PCDH7: variants seen among roughly 807,000 people sequenced by gnomAD.
PCDH7 encodes protocadherin 7.
In PCDH7, 17 loss-of-function variants were observed where a neutral mutation model predicts 58.9. The observed-to-expected ratio is 0.29, with a 90% CI of 0.20 to 0.43. The LOEUF is 0.43. Among genes scored for constraint, PCDH7 ranks in the 20% least tolerant of loss-of-function variants. The probability of loss-of-function intolerance (pLI) is 1.00; values close to 1 mark genes in which losing one functional copy is unlikely to be tolerated. For synonymous variants in PCDH7, 664 were observed against 616.4 expected (o/e 1.08, Z -1.14); for missense variants, 1,274 against 1,441.0 (o/e 0.88, Z 1.88).
intron 3 of PCDH7, among the ~76,000 whole-genome samples, chr4:31,080,658 AGTTT>A (rs1317512403): frequency 1.3e-5 from 2 of 152,176 alleles, no homozygotes; most frequent in East Asian, 1.9e-4. Flanking sequence ...TCTATAGCAC[AGTTT>A]GTTTGTAGAG....
At chr4:30,841,926 C>G (rs1488568313) in intron 1 of PCDH7, among the ~76,000 whole-genome samples, 1 of 151,786 alleles carries the variant, frequency 6.6e-6, no homozygotes, top group Non-Finnish European at 1.5e-5. Flanking sequence ...CATTTAAGAC[C>G]CTTACCACTA....
At chr4:30,876,349 A>G (rs1021092898) in intron 1 of PCDH7, among the ~76,000 whole-genome samples, 3 of 152,118 alleles carry the variant, frequency 2.0e-5, no homozygotes, top group African/African-American at 7.2e-5. Context: ...GAGAAGTTAA[A>G]ATGACTGTTC....
In PCDH7 at chr4:30,723,474, T is replaced by A. The variant is rs1370909751; in HGVS notation, c.2052T>A (p.Ile684=). 6.2e-7 allele frequency: 1 copy of A among 1,614,088 alleles called. No individual in the cohort carries two copies. The highest frequency in any genetic ancestry group is 1.1e-5 in the South Asian group (1 of 91,070). ...TGTACATAGAGGAGAACAATAACAT[T>A]TTTTCTATTGAAAATGACACGGGGA... Residue 684 remains isoleucine, a synonymous_variant, in exon 1 of 2, where the codon ATT becomes ATA. Coordinates refer to ENST00000361762, the Ensembl canonical transcript of PCDH7. The surrounding 1 kb of genome is among the most constrained non-coding windows in gnomAD (Gnocchi z 4.6).
At chr4:30,933,598 A>G (rs1444601412) in intron 2 of PCDH7, among the ~76,000 whole-genome samples, 1 of 152,180 alleles carries the variant, frequency 6.6e-6, no homozygotes, top group African/African-American at 2.4e-5. Context: ...GCCTGCTTAT[A>G]TAACCACACT....
intron 1 of PCDH7, among the ~76,000 whole-genome samples, chr4:30,862,575 C>T (rs1315825276): frequency 2.0e-5 from 3 of 152,112 alleles, no homozygotes; most frequent in Admixed American, 1.3e-4. Flanking sequence ...ATATTCTATC[C>T]AGTGTTTTTA....
chr4:31,082,364 T>C (rs1443631437), intron 3 of PCDH7, among the ~76,000 whole-genome samples: 1 of 152,218 alleles, frequency 6.6e-6, no homozygotes, highest in African/African-American at 2.4e-5. Context: ...GTAGATTACA[T>C]TGTTTTTTTC....
chr4:30,814,687 CTG>C (rs1727448790), intron 1 of PCDH7, among the ~76,000 whole-genome samples: 1 of 152,054 alleles, frequency 6.6e-6, no homozygotes. Context: ...ACAAATCAAA[CTG>C]TTTCTTTCCT....
At chr4:31,040,135 C>T (rs6821602) in intron 3 of PCDH7, among the ~76,000 whole-genome samples, 14,098 of 152,178 alleles carry the variant, frequency 0.093, 996 homozygotes, top group East Asian at 0.24. Context: ...GTATGTTTTT[C>T]GATGTATACT....
intron 1 of PCDH7, among the ~76,000 whole-genome samples, chr4:30,770,210 A>C (rs1197644775): frequency 1.3e-5 from 2 of 152,190 alleles, no homozygotes; most frequent in African/African-American, 4.8e-5. Context: ...TCTATTTTCA[A>C]ACAAGTAATA....
chr4:30,890,412 T>C (rs1231143177), intron 1 of PCDH7, among the ~76,000 whole-genome samples: 1 of 139,788 alleles, frequency 7.2e-6, no homozygotes, highest in Admixed American at 7.3e-5. Flanking sequence ...GAGTAGTACA[T>C]CATTTTTAAT....
rs768195681 is a variant in PCDH7, at chr4:30,819,029, G to A, written c.70+94433G>A. 3.3e-5 allele frequency among the ~76,000 whole-genome samples: 5 copies of A among 152,088 alleles called. 1 individual carries two copies. Among genetic ancestry groups the A allele is most frequent in the Admixed American group, 1.3e-4 (2 of 15,270 alleles). ...ACACCTTTCACAGTGCATCATTCCTGTTGTCACAGGATGAGACAGAGGTGG... is the reference window on the plus strand; with the variant it reads ...ACACCTTTCACAGTGCATCATTCCTATTGTCACAGGATGAGACAGAGGTGG... On this transcript the variant is annotated intron_variant, in intron 1 of 3. Coordinates refer to the PCDH7 transcript ENST00000509759.
At chr4:30,993,887 T>G (rs28534792) in intron 3 of PCDH7, among the ~76,000 whole-genome samples, 5,801 of 152,196 alleles carry the variant, frequency 0.038, 380 homozygotes, top group African/African-American at 0.13. Flanking sequence ...AGTGTGTCTG[T>G]GTGGGTATAA....
intron 1 of PCDH7, among the ~76,000 whole-genome samples, chr4:30,820,151 AAG>A (rs1414469043): frequency 1.3e-5 from 2 of 152,262 alleles, no homozygotes; most frequent in Non-Finnish European, 2.9e-5. Context: ...AATACAGGAA[AAG>A]AGAGAGAAAA....
chr4:30,840,696 T>C (rs1475394527), intron 1 of PCDH7, among the ~76,000 whole-genome samples: 1 of 152,022 alleles, frequency 6.6e-6, no homozygotes, highest in Non-Finnish European at 1.5e-5. Context: ...AGAACAAAAT[T>C]TTTTTTGCAG....
chr4:30,840,299 T>C (rs1731044973), intron 1 of PCDH7, among the ~76,000 whole-genome samples: 1 of 152,138 alleles, frequency 6.6e-6, no homozygotes, highest in African/African-American at 2.4e-5. Flanking sequence ...GATGTCCTTA[T>C]TCTTTCCACT....
chr4:31,044,444 T>G (rs1457536983), intron 3 of PCDH7, among the ~76,000 whole-genome samples: 3 of 152,124 alleles, frequency 2.0e-5, no homozygotes, highest in Non-Finnish European at 4.4e-5. Context: ...CTTTTCATTT[T>G]TTTAAGTGTA....
chr4:30,786,707 T>C (rs1177537779), intron 1 of PCDH7: 1 of 959,396 alleles, frequency 1.0e-6, no homozygotes, highest in Non-Finnish European at 1.2e-6. Flanking sequence ...AGCAGACATA[T>C]ATTTTTGTAT....
chr4:30,824,587 G>C (rs1345921365), intron 1 of PCDH7, among the ~76,000 whole-genome samples: 1 of 152,040 alleles, frequency 6.6e-6, no homozygotes, highest in African/African-American at 2.4e-5. Flanking sequence ...TGGCGCAGTG[G>C]CTACTCTAGG....
downstream of PCDH7, chr4:31,143,420 T>C (rs1456483640): frequency 6.6e-6 from 1 of 152,200 alleles, no homozygotes; most frequent in African/African-American, 2.4e-5. Context: ...TTAAAAAGTA[T>C]TTTGGGAATA....
Sources: gnomAD v4.1 joint callset for allele counts (sites outside exome capture counted in the v4.1 genomes callset) on GRCh38, gnomAD v4.1.1 for gene constraint, Gnocchi (gnomAD v3.1) non-coding constraint, MANE v1.5 for transcripts, NCBI Gene and HGNC (gene_info 2026-07-23, HGNC 2026-07-21) for gene names.